Variants in SLC24A3 observed in about 807,000 individuals in gnomAD.
SLC24A3 encodes solute carrier family 24 member 3, also known as sodium/potassium/calcium exchanger 3.
Under a neutral mutation model 75.8 loss-of-function variants are expected in SLC24A3, and 28 were observed. The ratio of observed to expected loss-of-function variants is 0.37; its 90% CI spans 0.27 to 0.51. The LOEUF (loss-of-function observed/expected upper bound fraction) is 0.51, where lower values mean the gene tolerates loss of function less well. Among genes scored for constraint, SLC24A3 ranks in the 20% least tolerant of loss-of-function variants. The probability of loss-of-function intolerance (pLI) is 0.94; values close to 1 mark genes in which losing one functional copy is unlikely to be tolerated. For missense variants in SLC24A3, 663 were observed against 847.8 expected (o/e 0.78, Z 2.71); for synonymous variants, 372 against 334.1 (o/e 1.11, Z -1.24).
At chr20:19,658,459 C>A (rs1308206929) in intron 7 of SLC24A3, among the ~76,000 whole-genome samples, 3 of 152,152 alleles carry the variant, frequency 2.0e-5, no homozygotes, top group African/African-American at 7.2e-5. Flanking sequence ...CTTCCCTATT[C>A]GGGTATTTCA....
intron 2 of SLC24A3, among the ~76,000 whole-genome samples, chr20:19,315,882 C>A (rs186549287): frequency 8.3e-4 from 127 of 152,338 alleles, no homozygotes; most frequent in African/African-American, 3.0e-3. Flanking sequence ...TTTAATACAT[C>A]TAACCTAGCA....
intron 2 of SLC24A3, among the ~76,000 whole-genome samples, chr20:19,432,272 T>TTATATATATATATATATATAAGATTA (rs1987117316): frequency 6.9e-6 from 1 of 145,322 alleles, no homozygotes; most frequent in Admixed American, 6.9e-5. Context: ...TATATCTGTT[T>TTATATATATATATATATATAAGATTA]TATATATATA....
At chr20:19,665,493 T>G (rs1353996219) in intron 7 of SLC24A3, among the ~76,000 whole-genome samples, 1 of 152,228 alleles carries the variant, frequency 6.6e-6, no homozygotes, top group African/African-American at 2.4e-5. Flanking sequence ...CCTGCTGAGC[T>G]CCTACATCCC....
At chr20:19,247,586 C>T (rs1982531925) in intron 1 of SLC24A3, among the ~76,000 whole-genome samples, 1 of 152,142 alleles carries the variant, frequency 6.6e-6, no homozygotes. Flanking sequence ...AGCCAACAAT[C>T]CCGCGTAGAT....
intron 2 of SLC24A3, among the ~76,000 whole-genome samples, chr20:19,305,699 A>C (rs73284664): frequency 0.071 from 10,831 of 152,180 alleles, 1,233 homozygotes; most frequent in African/African-American, 0.25. Context: ...GTGGCCAGCC[A>C]CATGCAGAAG....
At position 19,677,223 on chromosome 20, in the gene SLC24A3, G is replaced by A. The variant is rs11906146; in HGVS notation, c.767+3569G>A. Among the ~76,000 whole-genome samples the A allele has an allele frequency of 8.8e-3, 1,331 of 151,370 alleles. 27 individuals are homozygous for A. Among genetic ancestry groups the A allele is most frequent in the African/African-American group, 0.031 (1,276 of 41,118 alleles). On this transcript the variant is annotated intron_variant, in intron 9 of 16. Transcript: ENST00000328041. The stretch of plus-strand genomic sequence containing the variant: ...GCCTGTGATCCCAGCTATTCAGAAA[G>A]CTGGAGCGAGAGGATTGCTTGAAGC...
intron 2 of SLC24A3, among the ~76,000 whole-genome samples, chr20:19,404,145 A>T (rs1043262740): frequency 1.3e-5 from 2 of 152,130 alleles, no homozygotes; most frequent in Non-Finnish European, 2.9e-5. Context: ...ATTTCTTGGC[A>T]CCCCTTTAAA....
chr20:19,662,140 G>A (rs1384834896), intron 7 of SLC24A3, among the ~76,000 whole-genome samples: 1 of 152,202 alleles, frequency 6.6e-6, no homozygotes, highest in Non-Finnish European at 1.5e-5. Flanking sequence ...CCCCTGACCA[G>A]CTGGTGCTCA....
chr20:19,525,717 C>T (rs2122569328), intron 3 of SLC24A3, among the ~76,000 whole-genome samples: 1 of 152,238 alleles, frequency 6.6e-6, no homozygotes, highest in African/African-American at 2.4e-5. Flanking sequence ...GGACGGGCAC[C>T]AACGGTGCCT....
At chr20:19,367,063 G>GTGTGTACTGAGCACT (rs1244875215) in intron 2 of SLC24A3, among the ~76,000 whole-genome samples, 9 of 152,384 alleles carry the variant, frequency 5.9e-5, no homozygotes, top group African/African-American at 2.2e-4. Flanking sequence ...ACTTGCCAAT[G>GTGTGTACTGAGCACT]TGTGTACTGA....
intron 16 of SLC24A3, among the ~76,000 whole-genome samples, chr20:19,720,059 T>TAAGAC (rs3059512): frequency 0.75 from 113,346 of 151,542 alleles, 42,666 homozygotes; most frequent in East Asian, 0.96. Context: ...GACACTAAGA[T>TAAGAC]AAGACAGATG....
At chr20:19,629,570 A>G (rs968699518) in intron 6 of SLC24A3, among the ~76,000 whole-genome samples, 7 of 152,210 alleles carry the variant, frequency 4.6e-5, no homozygotes, top group African/African-American at 1.7e-4. Context: ...AACTCCAAAT[A>G]CAATTAATCC....
intron 3 of SLC24A3, among the ~76,000 whole-genome samples, chr20:19,552,093 T>C (rs1309030292): frequency 6.6e-6 from 1 of 152,214 alleles, no homozygotes; most frequent in Non-Finnish European, 1.5e-5. Context: ...AGGGAAACTT[T>C]TTCCCCGTCT....
At chr20:19,347,274 ATTCTC>A (rs1271917095) in intron 2 of SLC24A3, among the ~76,000 whole-genome samples, 1 of 152,168 alleles carries the variant, frequency 6.6e-6, no homozygotes, top group Non-Finnish European at 1.5e-5. Flanking sequence ...TGGCAAAACT[ATTCTC>A]TTATGATACT....
intron 2 of SLC24A3, among the ~76,000 whole-genome samples, chr20:19,342,870 A>C (rs1426235980): frequency 6.6e-6 from 1 of 152,082 alleles, no homozygotes; most frequent in Non-Finnish European, 1.5e-5. Flanking sequence ...GGAGATTGAG[A>C]CCATCCTGGC....
intron 1 of SLC24A3, among the ~76,000 whole-genome samples, chr20:19,234,600 A>G (rs914289932): frequency 5.9e-5 from 9 of 152,154 alleles, no homozygotes; most frequent in African/African-American, 2.2e-4. Flanking sequence ...ATGAGATGGG[A>G]TCCAGCTTCC....
intron 2 of SLC24A3, among the ~76,000 whole-genome samples, chr20:19,508,409 G>A (rs559161568): frequency 1.3e-4 from 20 of 152,242 alleles, no homozygotes; most frequent in Non-Finnish European, 2.2e-4. Context: ...AGGGAGCCAG[G>A]CTTTTTAGGA....
chr20:19,483,287 A>AT (rs1323909968), intron 2 of SLC24A3, among the ~76,000 whole-genome samples: 1 of 152,142 alleles, frequency 6.6e-6, no homozygotes, highest in African/African-American at 2.4e-5. Flanking sequence ...TTCTTAGCAG[A>AT]TTTTTTACTG....
At chr20:19,410,678 G>T (rs75409030) in intron 2 of SLC24A3, among the ~76,000 whole-genome samples, 2,979 of 152,216 alleles carry the variant, frequency 0.02, 102 homozygotes, top group African/African-American at 0.067. Context: ...CCAGCACCAA[G>T]AACATTGCCT....
Sources: gnomAD v4.1 joint callset for allele counts (sites outside exome capture counted in the v4.1 genomes callset) on GRCh38, gnomAD v4.1.1 for gene constraint, MANE v1.5 for transcripts, NCBI Gene and HGNC (gene_info 2026-07-23, HGNC 2026-07-21) for gene names.